The following KLHL1 variants were observed in gnomAD, a reference collection of about 807,000 sequenced individuals.
KLHL1 encodes the protein kelch like family member 1.
Under a neutral mutation model 77.7 loss-of-function variants are expected in KLHL1, and 47 were observed. The ratio of observed to expected loss-of-function variants is 0.60; its 90% confidence interval spans 0.48 to 0.77. The LOEUF (loss-of-function observed/expected upper bound fraction) is 0.77. Among genes scored for constraint, KLHL1 ranks in the 30% least tolerant of loss-of-function variants. KLHL1 has a pLI of 0.00. For missense variants in KLHL1, 925 were observed against 910.8 expected (o/e 1.02, Z -0.20); for synonymous variants, 360 against 325.2 (o/e 1.11, Z -1.15).
chr13:69,940,805 A>AG (rs1883342812), intron 3 of KLHL1, among the ~76,000 whole-genome samples: 1 of 150,530 alleles, frequency 6.6e-6, no homozygotes, highest in African/African-American at 2.4e-5. Flanking sequence ...AAAAAAAAAA[A>AG]AAAAAAAAAG....
chr13:69,856,551 A>G (rs1221853600), intron 5 of KLHL1, among the ~76,000 whole-genome samples: 1 of 152,060 alleles, frequency 6.6e-6, no homozygotes, highest in African/African-American at 2.4e-5. Context: ...CCTCGGTCTC[A>G]GCCCTTCTCA....
intron 1 of KLHL1, among the ~76,000 whole-genome samples, chr13:70,016,890 C>T (rs1203928562): frequency 6.6e-6 from 1 of 152,068 alleles, no homozygotes; most frequent in Non-Finnish European, 1.5e-5. Flanking sequence ...GTACTTCCTC[C>T]TTTCTGAGCC....
At chr13:70,084,622 C>CTGTTTTTTTTTTTT (rs1887481735) in intron 1 of KLHL1, among the ~76,000 whole-genome samples, 2 of 14,952 alleles carry the variant, frequency 1.3e-4, no homozygotes, top group Non-Finnish European at 1.0e-4. Context: ...CCACGCCAGG[C>CTGTTTTTTTTTTTT]TTTTTTTTTT....
intron 5 of KLHL1, among the ~76,000 whole-genome samples, chr13:69,879,318 T>C (rs1411743127): frequency 6.6e-6 from 1 of 152,178 alleles, no homozygotes; most frequent in African/African-American, 2.4e-5. Context: ...TGCTGTGACA[T>C]ATTCTCAAAA....
At chr13:69,895,861 C>T (rs941488882) in intron 4 of KLHL1, among the ~76,000 whole-genome samples, 1 of 151,946 alleles carries the variant, frequency 6.6e-6, no homozygotes, top group African/African-American at 2.4e-5. Context: ...TGTGCACCAC[C>T]ATGCCTGGCT....
At chr13:69,897,713 C>A (rs1881698649) in intron 4 of KLHL1, among the ~76,000 whole-genome samples, 1 of 152,114 alleles carries the variant, frequency 6.6e-6, no homozygotes. Flanking sequence ...CTATTTGAGT[C>A]CCAACAGGTT....
intron 9 of KLHL1, among the ~76,000 whole-genome samples, chr13:69,718,280 G>A (rs1472664933): frequency 6.6e-6 from 1 of 151,974 alleles, no homozygotes; most frequent in Non-Finnish European, 1.5e-5. Flanking sequence ...CCATGTTACT[G>A]GTTTATCATT....
chr13:69,715,872 C>T (rs756338384), intron 9 of KLHL1, among the ~76,000 whole-genome samples: 5 of 152,054 alleles, frequency 3.3e-5, no homozygotes, highest in Non-Finnish European at 7.4e-5. Context: ...TGTTTTGATA[C>T]TCATTTGTTA....
chr13:69,708,647 A>C (rs1472500607), intron 9 of KLHL1, among the ~76,000 whole-genome samples: 5 of 152,008 alleles, frequency 3.3e-5, no homozygotes, highest in Non-Finnish European at 7.4e-5. Context: ...AAATTTGATA[A>C]CCATATACTA....
chr13:69,831,572 G>T (rs1037708922), intron 6 of KLHL1, among the ~76,000 whole-genome samples: 1 of 149,874 alleles, frequency 6.7e-6, no homozygotes, highest in African/African-American at 2.5e-5. Flanking sequence ...AGATAGAGAA[G>T]GAGAGAATCC....
chr13:69,823,315 A>T (rs771782975), intron 6 of KLHL1, among the ~76,000 whole-genome samples: 3 of 152,134 alleles, frequency 2.0e-5, no homozygotes, highest in Non-Finnish European at 4.4e-5. Context: ...TAAAATACTT[A>T]ATTACCCTAC....
At chr13:69,939,735 C>G (rs999094056) in intron 4 of KLHL1, among the ~76,000 whole-genome samples, 2 of 151,576 alleles carry the variant, frequency 1.3e-5, no homozygotes, top group African/African-American at 4.9e-5. Flanking sequence ...CTATGCGCCC[C>G]TCTCCTCATA....
chr13:69,945,028 C>T (rs1036491248), intron 3 of KLHL1, among the ~76,000 whole-genome samples: 1 of 141,518 alleles, frequency 7.1e-6, no homozygotes, highest in Non-Finnish European at 1.5e-5. Flanking sequence ...CTTTGTCGCC[C>T]AGGCTGGAGT....
intron 5 of KLHL1, among the ~76,000 whole-genome samples, chr13:69,879,532 A>G (rs1187759098): frequency 2.0e-5 from 3 of 152,128 alleles, no homozygotes; most frequent in South Asian, 2.1e-4. Context: ...TAATCATTCG[A>G]AAAAAAGCAT....
At chr13:69,762,951 G>A (rs1198657213) in intron 7 of KLHL1, among the ~76,000 whole-genome samples, 1 of 152,006 alleles carries the variant, frequency 6.6e-6, no homozygotes, top group Non-Finnish European at 1.5e-5. Context: ...TCCATAATCA[G>A]TCAGAAGCAG....
intron 7 of KLHL1, among the ~76,000 whole-genome samples, chr13:69,743,021 T>C (rs781402100): frequency 6.6e-6 from 1 of 152,172 alleles, no homozygotes; most frequent in Non-Finnish European, 1.5e-5. Flanking sequence ...TTCAAAGAGA[T>C]CCTGAAATCA....
In KLHL1 at chr13:69,957,726, C is replaced by T. The variant is rs148092444; in HGVS notation, c.817+3582G>A. Among the ~76,000 whole-genome samples the T allele has an allele frequency of 2.6e-3, 399 of 151,748 alleles. 1 individual carries two copies. Among genetic ancestry groups the T allele is most frequent in the South Asian group, 0.014 (68 of 4,824 alleles). On this transcript the variant is annotated intron_variant, in intron 3 of 10. Transcript: ENST00000377844. ...ACAACTTAAGATACCAATTATAAAACGGCACTACTTTATAACACACTCTCT... is the reference window on the plus strand; with the variant it reads ...ACAACTTAAGATACCAATTATAAAATGGCACTACTTTATAACACACTCTCT...
chr13:69,800,283 T>C (rs1264637584), intron 6 of KLHL1, among the ~76,000 whole-genome samples: 1 of 152,116 alleles, frequency 6.6e-6, no homozygotes, highest in Middle Eastern at 3.2e-3. Context: ...TTTAATTCCT[T>C]CACAAGCTTT....
chr13:69,883,832 A>G (rs114234194), intron 4 of KLHL1, among the ~76,000 whole-genome samples: 2,437 of 152,310 alleles, frequency 0.016, 67 homozygotes, highest in African/African-American at 0.055. Flanking sequence ...ATACATGTTT[A>G]GAGAAGACAG....
Sources: allele counts gnomAD v4.1 joint callset (sites outside exome capture counted in the v4.1 genomes callset), GRCh38; gene constraint gnomAD v4.1.1; transcripts MANE v1.5; gene names NCBI Gene and HGNC (gene_info 2026-07-23, HGNC 2026-07-21).